Variants in ITGA9 observed in about 807,000 individuals in gnomAD.
ITGA9 encodes the protein integrin subunit alpha 9.
ITGA9 carries 56 observed loss-of-function variants against 127.8 expected under a neutral mutation model. That is an observed-to-expected ratio of 0.44 (90% CI 0.35 to 0.55). ITGA9 has a LOEUF of 0.55. Ranked by LOEUF, ITGA9 falls within the 20% of genes least tolerant of loss-of-function variation. The probability of loss-of-function intolerance (pLI) is 0.00; values close to 1 mark genes in which losing one functional copy is unlikely to be tolerated. For missense variants in ITGA9, 1,196 were observed against 1,347.1 expected, an observed-to-expected ratio of 0.89 and a Z score of 1.76; for synonymous variants, 508 against 514.5, an observed-to-expected ratio of 0.99 and a Z score of 0.17.
At chr3:37,580,507 A>G (rs1699699952) in intron 15 of ITGA9, among the ~76,000 whole-genome samples, 1 of 152,220 alleles carries the variant, frequency 6.6e-6, no homozygotes. Flanking sequence ...GGAAAGGGGA[A>G]AAATCACTGT....
At chr3:37,638,919 C>T (rs1482864437) in intron 16 of ITGA9, among the ~76,000 whole-genome samples, 1 of 152,176 alleles carries the variant, frequency 6.6e-6, no homozygotes, top group African/African-American at 2.4e-5. Context: ...AGGCAGGAGA[C>T]CAAGCCTTCC....
intron 18 of ITGA9, among the ~76,000 whole-genome samples, chr3:37,691,437 T>C (rs948543686): frequency 6.6e-6 from 1 of 151,996 alleles, no homozygotes; most frequent in Non-Finnish European, 1.5e-5. Flanking sequence ...AGATGGAGGG[T>C]TCCAGCTTCA....
intron 1 of ITGA9, among the ~76,000 whole-genome samples, chr3:37,470,702 C>G (rs1698421181): frequency 6.6e-6 from 1 of 152,100 alleles, no homozygotes; most frequent in Non-Finnish European, 1.5e-5. Context: ...ATGGGATTTG[C>G]CATGTCACCC....
intron 1 of ITGA9, among the ~76,000 whole-genome samples, chr3:37,461,113 G>A (rs1400091424): frequency 1.3e-5 from 2 of 152,156 alleles, no homozygotes; most frequent in South Asian, 2.1e-4. Flanking sequence ...TTTTGCACCA[G>A]GATGGGTCCT....
At chr3:37,522,081 C>G (rs1424560194) in intron 11 of ITGA9, among the ~76,000 whole-genome samples, 1 of 152,082 alleles carries the variant, frequency 6.6e-6, no homozygotes, top group Non-Finnish European at 1.5e-5. Context: ...GCCTTCGTGA[C>G]TTCTCTGCAG....
intron 4 of ITGA9, among the ~76,000 whole-genome samples, chr3:37,485,339 C>T (rs1698598429): frequency 6.6e-6 from 1 of 152,092 alleles, no homozygotes; most frequent in African/African-American, 2.4e-5. Context: ...AGGGGGACGG[C>T]TGCCTCTAAA....
At position 37,503,061 on chromosome 3, in the gene ITGA9, A is replaced by G. The variant is rs189114130; in HGVS notation, c.613-117A>G. On this transcript the variant is annotated intron_variant, in intron 5 of 27. Transcript: ENST00000264741. ...ATCTGTTTTTGTTGCTTAGCTGGGG[A>G]AAAAAAAGTTCTTGGTGTGAGGAAT... 314 of 1,143,438 alleles carry G rather than the reference A, an allele frequency of 2.7e-4. No homozygotes were observed. The East Asian group carries it at 6.9e-3, about 25-fold the overall frequency. The allele number at this position is 1,143,438 out of a possible 1,614,324, so 70.8% of individuals were successfully genotyped here. A position where few individuals can be genotyped will look rare whatever the true frequency, so the allele number is the denominator to read the frequency against.
chr3:37,628,684 G>C (rs1034221447), intron 15 of ITGA9, among the ~76,000 whole-genome samples: 1 of 152,106 alleles, frequency 6.6e-6, no homozygotes, highest in Admixed American at 6.6e-5. Context: ...AGAACACAGG[G>C]CCAGGAGTCA....
intron 11 of ITGA9, among the ~76,000 whole-genome samples, chr3:37,522,126 G>A (rs563415703): frequency 6.6e-6 from 1 of 152,206 alleles, no homozygotes; most frequent in East Asian, 1.9e-4. Flanking sequence ...AGGAAAGAAA[G>A]TCAAAGTGAG....
intron 15 of ITGA9, among the ~76,000 whole-genome samples, chr3:37,551,866 A>G (rs1249999792): frequency 6.6e-6 from 1 of 152,252 alleles, no homozygotes; most frequent in African/African-American, 2.4e-5. Flanking sequence ...TCCAAGTGAC[A>G]GGCCCAAGAG....
intron 17 of ITGA9, among the ~76,000 whole-genome samples, chr3:37,663,821 A>G (rs1447431327): frequency 1.3e-5 from 2 of 152,306 alleles, no homozygotes; most frequent in African/African-American, 4.8e-5. Context: ...GTTGCTTAAC[A>G]TCTCTGCCTG....
At chr3:37,543,293 G>A (rs1283441118) in intron 15 of ITGA9, among the ~76,000 whole-genome samples, 5 of 152,148 alleles carry the variant, frequency 3.3e-5, no homozygotes, top group South Asian at 2.1e-4. Context: ...GTCAGAGAGC[G>A]GAGGAGGTGG....
At chr3:37,671,036 A>G (rs181221721) in intron 17 of ITGA9, among the ~76,000 whole-genome samples, 31 of 152,372 alleles carry the variant, frequency 2.0e-4, no homozygotes, top group African/African-American at 7.5e-4. Flanking sequence ...CATGTGGCAG[A>G]TCGTAGCAGC....
chr3:37,554,387 G>C (rs1380671005), intron 15 of ITGA9, among the ~76,000 whole-genome samples: 2 of 151,948 alleles, frequency 1.3e-5, no homozygotes, highest in Non-Finnish European at 2.9e-5. Context: ...TGGGCAAAGA[G>C]GTCAGAGTGG....
chr3:37,769,600 T>G (rs1696819795), intron 23 of ITGA9, among the ~76,000 whole-genome samples: 1 of 152,198 alleles, frequency 6.6e-6, no homozygotes, highest in African/African-American at 2.4e-5. Context: ...ATTCATCCAG[T>G]GCTTGACCTG....
rs767728363 is a variant in ITGA9 at position 37,799,145 on chromosome 3, G to A, written c.2890-4678G>A. Among the ~76,000 whole-genome samples, 12 of 151,962 alleles carry A rather than the reference G, an allele frequency of 7.9e-5. No homozygotes were observed. Among genetic ancestry groups the A allele is most frequent in the Non-Finnish European group, 1.5e-4 (10 of 67,984 alleles). On this transcript the variant is annotated intron_variant, in intron 26 of 27. Coordinates refer to ENST00000264741, the MANE Select transcript of ITGA9 (RefSeq NM_002207.3). The surrounding 1 kb of genome is among the most constrained non-coding windows in gnomAD (Gnocchi z 4.0). ...GTAAGTTTTCAAGTACTGAATTAAT[G>A]GATCAAAGGGTATGAACATTTTTAT...
intron 1 of ITGA9, among the ~76,000 whole-genome samples, chr3:37,456,179 T>C (rs1280444219): frequency 6.6e-6 from 1 of 152,198 alleles, no homozygotes; most frequent in African/African-American, 2.4e-5. Context: ...ACTGTCCCCA[T>C]GGCTAGATGG....
chr3:37,697,317 T>G (rs1234927201), intron 18 of ITGA9, among the ~76,000 whole-genome samples: 1 of 58,568 alleles, frequency 1.7e-5, no homozygotes, highest in African/African-American at 5.0e-5. Flanking sequence ...GTTATTATTA[T>G]TATTATTATT....
At chr3:37,574,553 A>G (rs985117039) in intron 15 of ITGA9, among the ~76,000 whole-genome samples, 2 of 152,230 alleles carry the variant, frequency 1.3e-5, no homozygotes, top group African/African-American at 4.8e-5. Flanking sequence ...GTTTTAACCA[A>G]TAAGCTATAA....
Sources: allele counts gnomAD v4.1 joint callset (sites outside exome capture counted in the v4.1 genomes callset), GRCh38; gene constraint gnomAD v4.1.1; non-coding constraint Gnocchi (gnomAD v3.1); transcripts MANE v1.5; gene names NCBI Gene and HGNC (gene_info 2026-07-23, HGNC 2026-07-21).